The following PCDH15 variants were observed in gnomAD, a reference collection of about 807,000 sequenced individuals.
PCDH15 encodes the protein protocadherin-15.
Under a neutral mutation model 178.5 loss-of-function variants are expected in PCDH15, and 129 were observed. That is an observed-to-expected ratio of 0.72 (90% CI 0.63 to 0.84). The LOEUF is 0.84. Ranked by LOEUF, PCDH15 falls within the 40% of genes least tolerant of loss-of-function variation. The pLI is 0.00. For missense variants in PCDH15, 2,230 were observed against 2,099.9 expected (o/e 1.06, Z -1.21); for synonymous variants, 800 against 732.0 (o/e 1.09, Z -1.50).
chr10:54,813,349 A>T (rs1286105697), intron 3 of PCDH15, among the ~76,000 whole-genome samples: 1 of 152,178 alleles, frequency 6.6e-6, no homozygotes, highest in Non-Finnish European at 1.5e-5. Flanking sequence ...TCTGCTTAGT[A>T]GATGTCTCCA....
chr10:55,075,014 T>C (rs1028329484), intron 2 of PCDH15, among the ~76,000 whole-genome samples: 3 of 152,178 alleles, frequency 2.0e-5, no homozygotes, highest in African/African-American at 4.8e-5. Flanking sequence ...TTGTCAAAGA[T>C]CAGATGACGT....
At chr10:53,888,339 T>TATATATACGTATATATATGTACATAC (rs2081288728) in intron 26 of PCDH15, among the ~76,000 whole-genome samples, 1 of 109,562 alleles carries the variant, frequency 9.1e-6, no homozygotes, top group African/African-American at 3.6e-5. Context: ...TATGTACGTA[T>TATATATACGTATATATATGTACATAC]ATATATATAC....
intron 3 of PCDH15, among the ~76,000 whole-genome samples, chr10:54,855,996 T>A (rs1290432546): frequency 6.6e-6 from 1 of 152,180 alleles, no homozygotes; most frequent in Non-Finnish European, 1.5e-5. Flanking sequence ...AATAAACTGT[T>A]TGAGGAATAG....
At chr10:54,434,894 G>A (rs2075280416) in intron 3 of PCDH15, among the ~76,000 whole-genome samples, 1 of 152,108 alleles carries the variant, frequency 6.6e-6, no homozygotes, top group Admixed American at 6.5e-5. Flanking sequence ...GTATGACTTG[G>A]AGTACCAGGT....
At chr10:54,155,421 G>A (rs137978898) in intron 13 of PCDH15, among the ~76,000 whole-genome samples, 33 of 152,194 alleles carry the variant, frequency 2.2e-4, no homozygotes, top group African/African-American at 6.7e-4. Context: ...TTATTAGGAG[G>A]TAGAAAGCTT....
chr10:54,107,014 T>C (rs1381184059), intron 15 of PCDH15, among the ~76,000 whole-genome samples: 2 of 152,198 alleles, frequency 1.3e-5, no homozygotes, highest in Non-Finnish European at 2.9e-5. Flanking sequence ...CTTGCCTATC[T>C]TCCTTCCTTC....
chr10:55,573,695 C>A (rs1194396181), intron 2 of PCDH15, among the ~76,000 whole-genome samples: 1 of 151,932 alleles, frequency 6.6e-6, no homozygotes, highest in Non-Finnish European at 1.5e-5. Context: ...TATGTAATAA[C>A]TCAGCATATA....
At chr10:54,382,446 T>C (rs1350095003) in intron 3 of PCDH15, among the ~76,000 whole-genome samples, 1 of 152,132 alleles carries the variant, frequency 6.6e-6, no homozygotes. Flanking sequence ...CCCTTTCTTT[T>C]TAATTGTGAC....
chr10:54,357,962 T>C (rs979921596), intron 5 of PCDH15, among the ~76,000 whole-genome samples: 11 of 151,956 alleles, frequency 7.2e-5, no homozygotes, highest in Non-Finnish European at 1.6e-4. Flanking sequence ...GCTAGCCATA[T>C]GGAGAAAGCT....
intron 2 of PCDH15, among the ~76,000 whole-genome samples, chr10:54,574,720 A>C (rs913863860): frequency 5.3e-5 from 8 of 150,502 alleles, no homozygotes; most frequent in African/African-American, 2.0e-4. Flanking sequence ...AACTAGTTCA[A>C]CCATTGTGGA....
intron 2 of PCDH15, among the ~76,000 whole-genome samples, chr10:54,953,025 T>C (rs553762575): frequency 6.6e-6 from 1 of 151,784 alleles, no homozygotes; most frequent in Admixed American, 6.6e-5. Flanking sequence ...ACCAGTAGAA[T>C]GTTAAGTAGA....
intron 2 of PCDH15, among the ~76,000 whole-genome samples, chr10:55,506,681 T>G (rs774778747): frequency 3.3e-5 from 5 of 151,348 alleles, no homozygotes; most frequent in Admixed American, 6.6e-5. Flanking sequence ...CCCGGGAGAG[T>G]GTATAATTTA....
rs1440478589 is a variant in PCDH15, at chr10:54,752,494, A to C, written c.-29+48431T>G. 3.2e-5 allele frequency among the ~76,000 whole-genome samples: 3 copies of C among 93,294 alleles called. 1 individual carries two copies. Among genetic ancestry groups the C allele is most frequent in the Admixed American group, 1.0e-4 (1 of 9,748 alleles). 61.2% of individuals were successfully genotyped at this position (93,294 alleles called of 152,430 possible). A position where few individuals can be genotyped will look rare whatever the true frequency, so the allele number is the denominator to read the frequency against. On this transcript the variant is annotated intron_variant, in intron 1 of 37. Transcript: ENST00000644397. ...TCCGTCTCAAAAAAAAAAAAAAACA[A>C]AAAACAAAAAACAAAAAACAAACAA...
intron 1 of PCDH15, among the ~76,000 whole-genome samples, chr10:55,247,413 T>C (rs1031071556): frequency 6.6e-6 from 1 of 152,160 alleles, no homozygotes; most frequent in Non-Finnish European, 1.5e-5. Context: ...CAGCCAAATT[T>C]ATATCTCAGA....
At chr10:54,167,895 C>A (rs2046425287) in intron 13 of PCDH15, among the ~76,000 whole-genome samples, 1 of 151,152 alleles carries the variant, frequency 6.6e-6, no homozygotes, top group Non-Finnish European at 1.5e-5. Flanking sequence ...GTGCCCCGAC[C>A]TCTTATCTCT....
intron 1 of PCDH15, among the ~76,000 whole-genome samples, chr10:55,184,020 T>C (rs1839726999): frequency 6.6e-6 from 1 of 151,982 alleles, no homozygotes; most frequent in Non-Finnish European, 1.5e-5. Flanking sequence ...TTTACCTCTC[T>C]TTTTCTGATG....
At chr10:54,389,165 C>A (rs200759006) in intron 3 of PCDH15, among the ~76,000 whole-genome samples, 7 of 151,700 alleles carry the variant, frequency 4.6e-5, no homozygotes, top group Admixed American at 6.6e-5. Context: ...CAAAACAAAA[C>A]AAAAAAAAAC....
chr10:54,711,584 C>T (rs1359247994), intron 1 of PCDH15, among the ~76,000 whole-genome samples: 1 of 151,770 alleles, frequency 6.6e-6, no homozygotes, highest in Non-Finnish European at 1.5e-5. Flanking sequence ...CCTTAAAGTT[C>T]ATTCTATTTT....
rs1470052267 is a variant in PCDH15, at chr10:55,109,498, T to C, written c.-80+57078A>G. Among the ~76,000 whole-genome samples the C allele has an allele frequency of 2.6e-5, 4 of 152,100 alleles. 1 individual carries two copies. Among genetic ancestry groups the C allele is most frequent in the Non-Finnish European group, 5.9e-5 (4 of 67,994 alleles). The stretch of plus-strand genomic sequence containing the variant: ...TCTAGAGAAGTTTTCAGCCATGAGA[T>C]TACAGAGAAAAGGGAAATCAGTATT... On this transcript the variant is annotated intron_variant, in intron 2 of 5. Coordinates refer to the PCDH15 transcript ENST00000458638.
Sources: allele counts gnomAD v4.1 joint callset (sites outside exome capture counted in the v4.1 genomes callset), GRCh38; gene constraint gnomAD v4.1.1; transcripts MANE v1.5; gene names NCBI Gene and HGNC (gene_info 2026-07-23, HGNC 2026-07-21).